The following SEMA5A variants were observed in gnomAD, a reference collection of about 807,000 sequenced individuals.
The protein encoded by SEMA5A is semaphorin 5A.
In SEMA5A, 55 loss-of-function variants were observed where a neutral mutation model predicts 135.5. That is an observed-to-expected ratio of 0.41 (90% CI 0.33 to 0.51). SEMA5A has a LOEUF of 0.51. Ranked by LOEUF, SEMA5A falls within the 20% of genes least tolerant of loss-of-function variation. The probability of loss-of-function intolerance (pLI) is 0.37; values close to 1 mark genes in which losing one functional copy is unlikely to be tolerated. For synonymous variants in SEMA5A, 580 were observed against 546.5 expected (o/e 1.06, Z -0.85); for missense variants, 1,290 against 1,419.9 (o/e 0.91, Z 1.47).
chr5:9,473,383 T>TAAAAAAAA (rs58137756), intron 1 of SEMA5A, among the ~76,000 whole-genome samples: 18,892 of 79,470 alleles, frequency 0.24, 3,543 homozygotes, highest in East Asian at 0.39. Flanking sequence ...CAATCAGTGG[T>TAAAAAAAA]AAAAAAAAAA....
chr5:9,174,687 G>T, intron 11 of SEMA5A, among the ~76,000 whole-genome samples: 1 of 152,178 alleles, frequency 6.6e-6, no homozygotes, highest in East Asian at 1.9e-4. Context: ...GACAGGATGT[G>T]CTTAGATCCA....
chr5:9,078,284 C>T (rs538135980), intron 16 of SEMA5A, among the ~76,000 whole-genome samples: 102 of 152,270 alleles, frequency 6.7e-4, no homozygotes, highest in Non-Finnish European at 1.1e-3. Context: ...GAGGCATCTG[C>T]CTTTTATTTC....
intron 1 of SEMA5A, among the ~76,000 whole-genome samples, chr5:9,439,643 A>C (rs1329210350): frequency 1.3e-5 from 2 of 152,340 alleles, no homozygotes; most frequent in South Asian, 4.1e-4. Flanking sequence ...TAAATGAAAG[A>C]GACTGGGGCC....
intron 5 of SEMA5A, among the ~76,000 whole-genome samples, chr5:9,268,765 G>A (rs778355761): frequency 2.0e-5 from 3 of 152,136 alleles, no homozygotes; most frequent in African/African-American, 2.4e-5. Flanking sequence ...ACAGATTGCT[G>A]TAATTTATCA....
At chr5:9,067,850 T>G (rs960988633) in intron 16 of SEMA5A, among the ~76,000 whole-genome samples, 4 of 152,210 alleles carry the variant, frequency 2.6e-5, no homozygotes, top group Admixed American at 6.5e-5. Flanking sequence ...AGTTTCCATA[T>G]CTTCATCTTT....
chr5:9,163,015 A>C (rs1466717205), intron 11 of SEMA5A, among the ~76,000 whole-genome samples: 1 of 152,146 alleles, frequency 6.6e-6, no homozygotes, highest in East Asian at 1.9e-4. Context: ...TGAGTTCCTA[A>C]AAATCAGGTG....
intron 6 of SEMA5A, among the ~76,000 whole-genome samples, chr5:9,234,776 C>G (rs1404454564): frequency 6.6e-6 from 1 of 152,080 alleles, no homozygotes; most frequent in East Asian, 1.9e-4. Context: ...CATTAAAACC[C>G]AAAGCATGTG....
chr5:9,310,440 G>A (rs1752073939), intron 5 of SEMA5A, among the ~76,000 whole-genome samples: 1 of 152,000 alleles, frequency 6.6e-6, no homozygotes, highest in Non-Finnish European at 1.5e-5. Flanking sequence ...AAGAACATAT[G>A]ACAAAGATAG....
At chr5:9,384,421 G>C (rs935067830) in intron 2 of SEMA5A, among the ~76,000 whole-genome samples, 1 of 151,838 alleles carries the variant, frequency 6.6e-6, no homozygotes, top group South Asian at 2.1e-4. Flanking sequence ...CAGCATCCCC[G>C]GCCTGTACCT....
At position 9,053,957 on chromosome 5, in the gene SEMA5A, G is replaced by A. The variant is rs1579309895; in HGVS notation, c.2689+130C>T. 3.1e-6 allele frequency: 3 copies of A among 956,424 alleles called. No individual in the cohort carries two copies. The East Asian group carries it at 7.6e-5, about 24-fold the overall frequency. 59.2% of individuals were successfully genotyped at this position (956,424 alleles called of 1,614,324 possible). On this transcript the variant is annotated intron_variant, in intron 19 of 22. Coordinates refer to ENST00000382496, the MANE Select transcript of SEMA5A (RefSeq NM_003966.3). ...TTTTAAAGTCACTTCAAGGGTAATA[G>A]CATGTTGCTAACTTGCCCACCCCCC...
intron 13 of SEMA5A, among the ~76,000 whole-genome samples, chr5:9,127,952 A>G (rs1741207941): frequency 6.6e-6 from 1 of 152,216 alleles, no homozygotes; most frequent in South Asian, 2.1e-4. Flanking sequence ...TGAAGACGGA[A>G]ACAGAAATCA....
chr5:9,140,798 G>A (rs1470056226), intron 12 of SEMA5A, among the ~76,000 whole-genome samples: 3 of 152,090 alleles, frequency 2.0e-5, no homozygotes, highest in Non-Finnish European at 4.4e-5. Context: ...ATTCCTTTTC[G>A]TGTTTCTTAT....
intron 2 of SEMA5A, among the ~76,000 whole-genome samples, chr5:9,413,792 C>A (rs192795561): frequency 6.6e-6 from 1 of 152,252 alleles, no homozygotes; most frequent in Admixed American, 6.5e-5. Flanking sequence ...ATATGCTCAA[C>A]AAAAGTCAGA....
intron 3 of SEMA5A, among the ~76,000 whole-genome samples, chr5:9,365,537 T>C (rs1754879187): frequency 6.6e-6 from 1 of 152,144 alleles, no homozygotes. Context: ...TTATCTTGAT[T>C]ACTGAGTGTT....
chr5:9,318,367 C>T lies in SEMA5A; in HGVS notation c.270+5G>A, dbSNP rs780959797. 6.2e-7 allele frequency: 1 copy of T among 1,611,094 alleles called. No individual in the cohort carries two copies. The highest frequency in any genetic ancestry group is 8.5e-7 in the Non-Finnish European group (1 of 1,178,754). On this transcript the variant is annotated splice_donor_5th_base_variant and intron_variant, in intron 5 of 22. Coordinates refer to ENST00000382496, the MANE Select transcript of SEMA5A (RefSeq NM_003966.3). ...GAAAGCTTGAGAAAAATAAATTGCACCTACCTGGATAAGAGACAGATCCTC... is the reference window on the plus strand; with the variant it reads ...GAAAGCTTGAGAAAAATAAATTGCATCTACCTGGATAAGAGACAGATCCTC...
intron 2 of SEMA5A, among the ~76,000 whole-genome samples, chr5:9,407,608 T>C (rs2126591220): frequency 6.6e-6 from 1 of 152,332 alleles, no homozygotes; most frequent in South Asian, 2.1e-4. Context: ...TTTGCTTTGC[T>C]AATGACAACA....
At chr5:9,043,189 G>GCCTAATTAC in intron 22 of SEMA5A, 173 bp from the exon 23 acceptor site, 1 of 583,274 alleles carries the variant, frequency 1.7e-6, no homozygotes, top group East Asian at 3.1e-5. Flanking sequence ...TGGAGGACTT[G>GCCTAATTAC]CCTAATTACC....
chr5:9,299,740 C>T (rs1035162926), intron 5 of SEMA5A, among the ~76,000 whole-genome samples: 1 of 152,154 alleles, frequency 6.6e-6, no homozygotes, highest in African/African-American at 2.4e-5. Flanking sequence ...CTCTGCTCTC[C>T]CAACTGAAAC....
intron 14 of SEMA5A, among the ~76,000 whole-genome samples, chr5:9,122,413 T>C (rs1396357914): frequency 6.6e-6 from 1 of 152,250 alleles, no homozygotes; most frequent in African/African-American, 2.4e-5. Context: ...CCAATCATAT[T>C]GTCCAAATTG....
Sources: gnomAD v4.1 joint callset for allele counts (sites outside exome capture counted in the v4.1 genomes callset) on GRCh38, gnomAD v4.1.1 for gene constraint, MANE v1.5 for transcripts, NCBI Gene and HGNC (gene_info 2026-07-23, HGNC 2026-07-21) for gene names.